Variants in TXNDC16 observed in about 807,000 individuals in gnomAD.
TXNDC16 encodes thioredoxin domain-containing protein 16.
In TXNDC16, 74 loss-of-function variants were observed where a neutral mutation model predicts 85.6. That is an observed-to-expected ratio of 0.86 (90% CI 0.72 to 1.05). TXNDC16 has a LOEUF of 1.05. Among genes scored for constraint, TXNDC16 ranks in the 50% least tolerant of loss-of-function variants. The pLI is 0.00. For missense variants in TXNDC16, 959 were observed against 947.0 expected, an observed-to-expected ratio of 1.01 and a Z score of -0.17; for synonymous variants, 335 against 326.5, an observed-to-expected ratio of 1.03 and a Z score of -0.28.
chr14:52,451,092 G>A (rs537521653), intron 18 of TXNDC16, among the ~76,000 whole-genome samples: 34 of 151,740 alleles, frequency 2.2e-4, no homozygotes, highest in Non-Finnish European at 4.0e-4. Flanking sequence ...GCATAAGAAT[G>A]AAATAATGGG....
At chr14:52,499,606 T>C (rs1052942542) in intron 9 of TXNDC16, among the ~76,000 whole-genome samples, 1 of 142,646 alleles carries the variant, frequency 7.0e-6, no homozygotes, top group Non-Finnish European at 1.5e-5. Flanking sequence ...AAATGGCCAC[T>C]ATCAAAAAAA....
intron 9 of TXNDC16, 67 bp downstream of exon 9, chr14:52,511,173 A>T (rs1349872236): frequency 6.1e-6 from 8 of 1,313,370 alleles, no homozygotes; most frequent in Non-Finnish European, 8.0e-6. Flanking sequence ...TGTTAAAATA[A>T]GACACATACC....
intron 19 of TXNDC16, among the ~76,000 whole-genome samples, chr14:52,439,718 A>G (rs1413112428): frequency 6.6e-6 from 1 of 152,248 alleles, no homozygotes; most frequent in African/African-American, 2.4e-5. Context: ...TTGGCCAAGT[A>G]TCTGATCATA....
chr14:52,479,952 TGGCATAAAAA>T (rs2036108131), intron 14 of TXNDC16, among the ~76,000 whole-genome samples: 1 of 152,174 alleles, frequency 6.6e-6, no homozygotes, highest in South Asian at 2.1e-4. Flanking sequence ...AGTGTGGTAC[TGGCATAAAAA>T]TTGGCACATA....
At chr14:52,506,566 T>C (rs1318924382) in intron 9 of TXNDC16, among the ~76,000 whole-genome samples, 1 of 136,948 alleles carries the variant, frequency 7.3e-6, no homozygotes, top group African/African-American at 2.8e-5. Flanking sequence ...TTTCTTTTTT[T>C]TGAGACGGAG....
chr14:52,474,992 A>G (rs1005239841), intron 14 of TXNDC16, among the ~76,000 whole-genome samples: 2 of 152,190 alleles, frequency 1.3e-5, no homozygotes, highest in Non-Finnish European at 2.9e-5. Flanking sequence ...GTGAGTGCTC[A>G]AACTGTGGAA....
intron 9 of TXNDC16, among the ~76,000 whole-genome samples, chr14:52,499,931 T>C (rs1047275297): frequency 3.3e-5 from 5 of 152,204 alleles, no homozygotes; most frequent in African/African-American, 7.2e-5. Flanking sequence ...TGTTATACCA[T>C]AATTTAATTT....
At chr14:52,546,340 C>T (rs949536520) in intron 1 of TXNDC16, among the ~76,000 whole-genome samples, 6 of 152,072 alleles carry the variant, frequency 3.9e-5, no homozygotes, top group African/African-American at 1.4e-4. Flanking sequence ...GATATCAGAA[C>T]CAAGTGATGA....
chr14:52,459,118 T>C (rs1441506719), intron 16 of TXNDC16, among the ~76,000 whole-genome samples: 4 of 152,198 alleles, frequency 2.6e-5, no homozygotes, highest in Non-Finnish European at 5.9e-5. Context: ...ACTATAAATA[T>C]ATTTTAATTG....
intron 7 of TXNDC16, among the ~76,000 whole-genome samples, chr14:52,517,931 C>T (rs968570794): frequency 6.6e-6 from 1 of 152,146 alleles, no homozygotes; most frequent in African/African-American, 2.4e-5. Context: ...GCATTAAACC[C>T]CTACCACTCT....
At chr14:52,523,302 T>G (rs1281642154) in intron 6 of TXNDC16, among the ~76,000 whole-genome samples, 1 of 152,156 alleles carries the variant, frequency 6.6e-6, no homozygotes, top group Non-Finnish European at 1.5e-5. Flanking sequence ...CAGTAACTAT[T>G]AGTTGGATAA....
In TXNDC16 at chr14:52,455,360, T is replaced by A. The variant is rs763529739; in HGVS notation, c.1806A>T (p.Ile602=). The change falls in exon 18 of 21, where the codon ATA becomes ATT. Residue 602 remains isoleucine, a synonymous_variant. Coordinates refer to ENST00000281741, the MANE Select transcript of TXNDC16 (RefSeq NM_020784.3). ...IPLASTHAQD[I]VQIITDALLE... The stretch of plus-strand genomic sequence containing the variant: ...GTAGTGCATCTGTTATTATTTGAAC[T>A]ATGTCTTGTGCATGTGTGCTAGCTA... 29 of 1,613,978 alleles carry A rather than the reference T, an allele frequency of 1.8e-5. No homozygotes were observed. Among genetic ancestry groups the A allele is most frequent in the Admixed American group, 1.5e-4 (9 of 60,004 alleles).
intron 6 of TXNDC16, among the ~76,000 whole-genome samples, chr14:52,527,588 G>C (rs1055501982): frequency 6.6e-6 from 1 of 151,998 alleles, no homozygotes; most frequent in African/African-American, 2.4e-5. Context: ...ATATAAACTC[G>C]GAGATTAATA....
At chr14:52,440,778 A>G (rs2035146948) in intron 18 of TXNDC16, 54 bp from the exon 19 acceptor site, 22 of 1,522,482 alleles carry the variant, frequency 1.4e-5, no homozygotes, top group Non-Finnish European at 1.9e-5. Context: ...ATGATAATGC[A>G]TACCACAGAA....
intron 20 of TXNDC16, among the ~76,000 whole-genome samples, chr14:52,432,887 G>T (rs1487748853): frequency 6.6e-6 from 1 of 152,000 alleles, no homozygotes; most frequent in African/African-American, 2.4e-5. Context: ...CTTTGCTAAG[G>T]TTTTCAAAAA....
intron 14 of TXNDC16, among the ~76,000 whole-genome samples, chr14:52,476,146 G>A (rs1283184028): frequency 6.6e-6 from 1 of 152,060 alleles, no homozygotes; most frequent in Non-Finnish European, 1.5e-5. Context: ...CTACATCAAG[G>A]GAACACTCTG....
intron 16 of TXNDC16, among the ~76,000 whole-genome samples, chr14:52,459,465 T>C (rs1027998893): frequency 6.6e-6 from 1 of 152,160 alleles, no homozygotes; most frequent in Non-Finnish European, 1.5e-5. Flanking sequence ...CAGGACCTGA[T>C]GGATTCACAG....
intron 14 of TXNDC16, among the ~76,000 whole-genome samples, chr14:52,479,971 T>C (rs931344789): frequency 3.3e-5 from 5 of 152,272 alleles, no homozygotes; most frequent in African/African-American, 1.2e-4. Context: ...AATTGGCACA[T>C]AGACCAATGG....
intron 7 of TXNDC16, 142 bp from the exon 8 acceptor site, chr14:52,515,112 G>C (rs1489837056): frequency 4.1e-6 from 2 of 486,972 alleles, no homozygotes; most frequent in Non-Finnish European, 7.0e-6. Context: ...ATACTAGTTG[G>C]GAAAATGCAG....
Sources: gnomAD v4.1 joint callset for allele counts (sites outside exome capture counted in the v4.1 genomes callset) on GRCh38, gnomAD v4.1.1 for gene constraint, MANE v1.5 for transcripts, NCBI Gene and HGNC (gene_info 2026-07-23, HGNC 2026-07-21) for gene names.